The following TMPRSS9 variants were observed in gnomAD, a reference collection of about 807,000 sequenced individuals.
TMPRSS9 encodes the protein transmembrane protease serine 9.
A neutral mutation model predicts 111.4 loss-of-function variants in TMPRSS9; 113 were observed. The observed-to-expected ratio is 1.01, with a 90% confidence interval of 0.87 to 1.19. The LOEUF is 1.19. Among genes scored for constraint, TMPRSS9 ranks in the 50% most tolerant of loss-of-function variants. The pLI is 0.00. For synonymous variants in TMPRSS9, 805 were observed against 659.1 expected, an observed-to-expected ratio of 1.22 and a Z score of -3.39; for missense variants, 1,803 against 1,513.1, an observed-to-expected ratio of 1.19 and a Z score of -3.18.
At chr19:2,396,418 G>C in intron 1 of TMPRSS9, 121 bp from the exon 3 acceptor site, 2 of 1,233,762 alleles carry the variant, frequency 1.6e-6, no homozygotes. Context: ...CCACCCCACT[G>C]CGTGTCAGGA....
chr19:2,415,188 G>T (rs995134413), intron 10 of TMPRSS9, among the ~76,000 whole-genome samples: 26 of 152,066 alleles, frequency 1.7e-4, no homozygotes, highest in African/African-American at 6.0e-4. Context: ...CAGGTGATCT[G>T]CCCGCCTTGG....
chr19:2,388,228 C>T (rs1169220584), upstream of TMPRSS9, among the ~76,000 whole-genome samples: 1 of 151,942 alleles, frequency 6.6e-6, no homozygotes, highest in Non-Finnish European at 1.5e-5. Flanking sequence ...TCCCTCTCTA[C>T]AAAAAACTTA....
chr19:2,415,735 G>T, exon 11 of TMPRSS9: 1 of 1,610,016 alleles, frequency 6.2e-7, no homozygotes, highest in South Asian at 1.1e-5. Flanking sequence ...AGCTGCCTCC[G>T]GGGAGGTGCC....
intron 12 of TMPRSS9, among the ~76,000 whole-genome samples, chr19:2,417,527 A>C (rs1214129153): frequency 1.3e-5 from 2 of 151,804 alleles, no homozygotes. Context: ...ACATGCCTGT[A>C]GTCCCAGCTA....
chr19:2,415,550 C>A, intron 10 of TMPRSS9, 120 bp from the exon 12 acceptor site: 1 of 954,806 alleles, frequency 1.0e-6, no homozygotes, highest in Non-Finnish European at 1.5e-6. Flanking sequence ...TTGTGTGGAA[C>A]GGGAGGGATT....
At chr19:2,425,746 C>T (rs905811008) in intron 17 of TMPRSS9, 181 bp from the exon 19 acceptor site, 3 of 1,156,396 alleles carry the variant, frequency 2.6e-6, no homozygotes, top group African/African-American at 1.6e-5. Flanking sequence ...CGTTCCACTC[C>T]GGGACCACGT....
intron 1 of TMPRSS9, among the ~76,000 whole-genome samples, chr19:2,370,738 T>A (rs1970282761): frequency 6.6e-6 from 1 of 152,078 alleles, no homozygotes; most frequent in African/African-American, 2.4e-5. Flanking sequence ...TCTCTCTCTG[T>A]CTCTCTTTAT....
At chr19:2,420,860 T>C (rs1971448144) in intron 13 of TMPRSS9, among the ~76,000 whole-genome samples, 1 of 152,198 alleles carries the variant, frequency 6.6e-6, no homozygotes, top group Non-Finnish European at 1.5e-5. Context: ...TATTATACTA[T>C]TTATTCTCTA....
chr19:2,416,959 GC>G, intron 12 of TMPRSS9, 150 bp downstream of exon 13: 1 of 1,107,456 alleles, frequency 9.0e-7, no homozygotes, highest in Non-Finnish European at 1.2e-6. Context: ...TGGTCCCGCT[GC>G]CCACACACCT....
Position 2,410,240 on chromosome 19 carries a change from C to G in TMPRSS9, c.1118-18C>G, listed in dbSNP as rs1392852581. 6.2e-7 allele frequency: 1 copy of G among 1,613,296 alleles called. No homozygotes were observed. On this transcript the variant is annotated intron_variant, in intron 8 of 17. Coordinates refer to ENST00000648592, the Ensembl canonical transcript of TMPRSS9. ...GCTCCGGCACTCTCACCCTGCTTTTCTCTCCCCATTCGGCCAGTGGTCAAG... is the reference window on the plus strand; with the variant it reads ...GCTCCGGCACTCTCACCCTGCTTTTGTCTCCCCATTCGGCCAGTGGTCAAG...
intron 1 of TMPRSS9, among the ~76,000 whole-genome samples, chr19:2,371,854 C>T (rs1970293080): frequency 6.6e-6 from 1 of 152,198 alleles, no homozygotes; most frequent in Non-Finnish European, 1.5e-5. Context: ...CTTCCTGCCT[C>T]CCGCCTGGGC....
intron 5 of TMPRSS9, among the ~76,000 whole-genome samples, chr19:2,402,688 C>T (rs964105536): frequency 2.0e-5 from 3 of 151,920 alleles, no homozygotes; most frequent in South Asian, 2.1e-4. Flanking sequence ...CGGTGAGCCG[C>T]GATTGTGCCA....
At chr19:2,366,587 G>T (rs1021753393) in intron 1 of TMPRSS9, among the ~76,000 whole-genome samples, 1 of 149,566 alleles carries the variant, frequency 6.7e-6, no homozygotes, top group Non-Finnish European at 1.5e-5. Flanking sequence ...GCTGGGTGCG[G>T]TGGCTCACGC....
At chr19:2,402,015 A>G (rs779003291) in exon 5 of TMPRSS9, 11 of 1,609,256 alleles carry the variant, frequency 6.8e-6, no homozygotes, top group Middle Eastern at 1.7e-4. Context: ...ACTTCAAATC[A>G]GGTATGTTTT....
chr19:2,374,964 C>T (rs370430726), intron 1 of TMPRSS9, among the ~76,000 whole-genome samples: 2 of 152,180 alleles, frequency 1.3e-5, no homozygotes, highest in African/African-American at 4.8e-5. Flanking sequence ...CTTGGCTCCA[C>T]GACGAAACAG....
chr19:2,365,772 T>C (rs1432359665), intron 1 of TMPRSS9, among the ~76,000 whole-genome samples: 1 of 151,956 alleles, frequency 6.6e-6, no homozygotes, highest in African/African-American at 2.4e-5. Context: ...TGAGACCAGC[T>C]GGGCAACATA....
At chr19:2,388,870 C>G (rs773979892), upstream of TMPRSS9, among the ~76,000 whole-genome samples, 9 of 152,024 alleles carry the variant, frequency 5.9e-5, no homozygotes, top group Non-Finnish European at 1.0e-4. Flanking sequence ...GCAATCCTCT[C>G]ACCTCAGCCT....
At chr19:2,402,437 GTC>G (rs1970870439) in intron 5 of TMPRSS9, among the ~76,000 whole-genome samples, 1 of 151,692 alleles carries the variant, frequency 6.6e-6, no homozygotes, top group Non-Finnish European at 1.5e-5. Flanking sequence ...GTGAAACTGT[GTC>G]TCAAAAAATA....
At chr19:2,383,212 G>A (rs2145265277) in intron 1 of TMPRSS9, among the ~76,000 whole-genome samples, 1 of 151,860 alleles carries the variant, frequency 6.6e-6, no homozygotes, top group South Asian at 2.1e-4. Flanking sequence ...AAATTAGCCA[G>A]GCATGGTGGC....
Sources: allele counts gnomAD v4.1 joint callset (sites outside exome capture counted in the v4.1 genomes callset), GRCh38; gene constraint gnomAD v4.1.1; transcripts MANE v1.5; gene names NCBI Gene and HGNC (gene_info 2026-07-23, HGNC 2026-07-21).